SNTB1: variants seen among roughly 807,000 people sequenced by gnomAD.
SNTB1 encodes the protein syntrophin beta 1.
SNTB1 carries 36 observed loss-of-function variants against 48.9 expected under a neutral mutation model. The ratio of observed to expected loss-of-function variants is 0.74; its 90% CI spans 0.56 to 0.97. The LOEUF (loss-of-function observed/expected upper bound fraction) is 0.97, where lower values mean the gene tolerates loss of function less well. Among genes scored for constraint, SNTB1 ranks in the 50% least tolerant of loss-of-function variants. The probability of loss-of-function intolerance (pLI) is 0.00; values close to 1 mark genes in which losing one functional copy is unlikely to be tolerated. For synonymous variants in SNTB1, 299 were observed against 294.6 expected (o/e 1.01, Z -0.15); for missense variants, 786 against 703.4 (o/e 1.12, Z -1.33).
chr8:120,777,365 C>T (rs1819752435), intron 1 of SNTB1, among the ~76,000 whole-genome samples: 1 of 152,136 alleles, frequency 6.6e-6, no homozygotes, highest in Non-Finnish European at 1.5e-5. Context: ...TCAGCCAATG[C>T]CTCCTGCTAG....
At chr8:120,791,807 AGATG>A (rs1188178115) in intron 1 of SNTB1, among the ~76,000 whole-genome samples, 2 of 151,958 alleles carry the variant, frequency 1.3e-5, no homozygotes, top group Non-Finnish European at 2.9e-5. Context: ...CCCACACAAC[AGATG>A]GTGGTGTGGA....
At chr8:120,784,467 A>C (rs1361766035) in intron 1 of SNTB1, among the ~76,000 whole-genome samples, 1 of 152,084 alleles carries the variant, frequency 6.6e-6, no homozygotes, top group Non-Finnish European at 1.5e-5. Flanking sequence ...ACCATGAGCC[A>C]CTTCTCAGAA....
At chr8:120,667,601 C>T (rs1817695090) in intron 2 of SNTB1, among the ~76,000 whole-genome samples, 1 of 152,106 alleles carries the variant, frequency 6.6e-6, no homozygotes, top group South Asian at 2.1e-4. Flanking sequence ...TTAAGCAATC[C>T]TCTTTCCTTG....
At chr8:120,742,829 T>A (rs1026505916) in intron 1 of SNTB1, among the ~76,000 whole-genome samples, 23 of 152,192 alleles carry the variant, frequency 1.5e-4, no homozygotes, top group African/African-American at 4.8e-4. Flanking sequence ...ACTAGGGCTC[T>A]CTTCTGGGTC....
rs77141608 is a variant in SNTB1 at position 120,805,042 on chromosome 8, T to A, written c.571+6231A>T. ...AGGGCAATGTTCTAGTAGAGTATAG[T>A]ACATAAAAGACACTCAATAAATTAG... On this transcript the variant is annotated intron_variant, in intron 1 of 6. Coordinates refer to ENST00000517992, the MANE Select transcript of SNTB1 (RefSeq NM_021021.4). 9.1e-3 allele frequency among the ~76,000 whole-genome samples: 1,390 copies of A among 152,274 alleles called. 54 individuals carry two copies. The highest frequency in any genetic ancestry group is 0.067 in the Admixed American group (1,017 of 15,290).
At chr8:120,806,992 C>G (rs1299786951) in intron 1 of SNTB1, among the ~76,000 whole-genome samples, 1 of 152,132 alleles carries the variant, frequency 6.6e-6, no homozygotes, top group Admixed American at 6.5e-5. Context: ...GGCAAACATT[C>G]CAGGGGAGCA....
chr8:120,654,073 T>TAAAAAA (rs1587066202), intron 2 of SNTB1, among the ~76,000 whole-genome samples: 1 of 54,874 alleles, frequency 1.8e-5, no homozygotes, highest in Non-Finnish European at 5.1e-5. Context: ...AAAAAAAAAG[T>TAAAAAA]TGTCTTCTTG....
intron 1 of SNTB1, among the ~76,000 whole-genome samples, chr8:120,744,002 T>C (rs1010440712): frequency 4.6e-5 from 7 of 152,132 alleles, no homozygotes; most frequent in Non-Finnish European, 8.8e-5. Context: ...TGGTGGCATA[T>C]GCCTGTGGTC....
chr8:120,633,932 T>C (rs1425427030), intron 2 of SNTB1, among the ~76,000 whole-genome samples: 1 of 152,070 alleles, frequency 6.6e-6, no homozygotes, highest in East Asian at 1.9e-4. Context: ...TATAGTTCTA[T>C]GCCATTTTTT....
intron 3 of SNTB1, among the ~76,000 whole-genome samples, chr8:120,600,929 C>T (rs1257714031): frequency 2.0e-5 from 3 of 152,000 alleles, no homozygotes; most frequent in African/African-American, 7.3e-5. Flanking sequence ...TTGACTCAGC[C>T]TGAGCACAGG....
At chr8:120,578,096 G>A (rs1259384406) in intron 3 of SNTB1, among the ~76,000 whole-genome samples, 5 of 152,086 alleles carry the variant, frequency 3.3e-5, no homozygotes, top group African/African-American at 9.7e-5. Context: ...GCAGTGGTGC[G>A]ATCTCGGTTC....
chr8:120,647,043 G>T (rs992328872), intron 2 of SNTB1, among the ~76,000 whole-genome samples: 231 of 147,990 alleles, frequency 1.6e-3, no homozygotes, highest in African/African-American at 5.4e-3. Flanking sequence ...GCGTCTATTT[G>T]ATTCTTCTCT....
chr8:120,749,271 G>C, intron 1 of SNTB1, among the ~76,000 whole-genome samples: 1 of 152,084 alleles, frequency 6.6e-6, no homozygotes, highest in Non-Finnish European at 1.5e-5. Context: ...GCAAACCACT[G>C]ATTGCAGGAG....
chr8:120,746,042 T>G (rs1819120384), intron 1 of SNTB1, among the ~76,000 whole-genome samples: 1 of 152,204 alleles, frequency 6.6e-6, no homozygotes, highest in South Asian at 2.1e-4. Context: ...ACACTCATTA[T>G]CCACGACAGT....
intron 1 of SNTB1, among the ~76,000 whole-genome samples, chr8:120,784,043 G>C (rs926845070): frequency 1.3e-5 from 2 of 151,932 alleles, no homozygotes; most frequent in African/African-American, 4.8e-5. Flanking sequence ...GCCCAGGCTG[G>C]AGTGCAATGG....
chr8:120,805,645 G>A (rs1056276432), intron 1 of SNTB1, among the ~76,000 whole-genome samples: 7 of 152,034 alleles, frequency 4.6e-5, no homozygotes, highest in African/African-American at 7.2e-5. Context: ...GTCAGACTTC[G>A]GACTTTAAAA....
At chr8:120,634,679 A>G (rs1376304837) in intron 2 of SNTB1, among the ~76,000 whole-genome samples, 1 of 152,180 alleles carries the variant, frequency 6.6e-6, no homozygotes, top group Non-Finnish European at 1.5e-5. Context: ...TCAAAATAAC[A>G]ATTTTGCAGA....
intron 3 of SNTB1, among the ~76,000 whole-genome samples, chr8:120,582,172 A>G (rs1300930955): frequency 6.6e-6 from 1 of 152,248 alleles, no homozygotes; most frequent in African/African-American, 2.4e-5. Flanking sequence ...AATGTATTCA[A>G]GTTAAACAAT....
At chr8:120,599,514 G>A (rs753559841) in intron 3 of SNTB1, among the ~76,000 whole-genome samples, 4 of 151,954 alleles carry the variant, frequency 2.6e-5, no homozygotes, top group South Asian at 2.1e-4. Context: ...ATTAAATATC[G>A]TTTTGACAAT....
Sources: gnomAD v4.1 joint callset for allele counts (sites outside exome capture counted in the v4.1 genomes callset) on GRCh38, gnomAD v4.1.1 for gene constraint, MANE v1.5 for transcripts, NCBI Gene and HGNC (gene_info 2026-07-23, HGNC 2026-07-21) for gene names.